The following RBFOX1 variants were observed in gnomAD, a reference collection of about 807,000 sequenced individuals.
The protein encoded by RBFOX1 is RNA binding fox-1 homolog 1.
In RBFOX1, 8 loss-of-function variants were observed where a neutral mutation model predicts 57.7. The observed-to-expected ratio is 0.14, with a 90% CI of 0.08 to 0.25. The LOEUF (loss-of-function observed/expected upper bound fraction) is 0.25. Ranked by LOEUF, RBFOX1 falls within the 10% of genes least tolerant of loss-of-function variation. RBFOX1 has a pLI of 1.00. For missense variants in RBFOX1, 611 were observed against 548.5 expected (o/e 1.11, Z -1.14); for synonymous variants, 326 against 222.4 (o/e 1.47, Z -4.15).
At chr16:5,823,576 G>A (rs939972668) in intron 3 of RBFOX1, among the ~76,000 whole-genome samples, 7 of 152,162 alleles carry the variant, frequency 4.6e-5, no homozygotes, top group Admixed American at 1.3e-4. Context: ...TTGCAGGCAA[G>A]TAAGTGAAGC....
intron 4 of RBFOX1, among the ~76,000 whole-genome samples, chr16:5,886,648 G>C (rs573204335): frequency 8.1e-4 from 123 of 152,334 alleles, no homozygotes; most frequent in African/African-American, 2.9e-3. Flanking sequence ...AGCACTTTGG[G>C]AGGCCAAAGC....
In RBFOX1 at chr16:6,243,144, CTG is replaced by C. The variant is rs370115661; in HGVS notation, c.-126-73829_-126-73828del. On this transcript the variant is annotated intron_variant, in intron 1 of 15. Coordinates refer to ENST00000550418, the MANE Select transcript of RBFOX1 (RefSeq NM_018723.4). ...GATAAATTGATATTTATACGTGTGT[CTG>C]TGTGTGTGTGTGTGTGTGTGTTTAT... is the stretch of plus-strand genomic sequence containing the variant. Among the ~76,000 whole-genome samples the C allele has an allele frequency of 1.2e-3, 180 of 146,914 alleles. 1 individual carries two copies. In the South Asian group the frequency reaches 0.016, roughly 13 times the overall value.
At chr16:5,522,389 G>A (rs1439559731) in intron 2 of RBFOX1, among the ~76,000 whole-genome samples, 4 of 152,302 alleles carry the variant, frequency 2.6e-5, no homozygotes, top group Admixed American at 6.5e-5. Flanking sequence ...TGGAGCATCT[G>A]TTTAGGAAGC....
At chr16:5,430,187 A>C (rs1035727110) in intron 1 of RBFOX1, among the ~76,000 whole-genome samples, 1 of 152,132 alleles carries the variant, frequency 6.6e-6, no homozygotes, top group Non-Finnish European at 1.5e-5. Flanking sequence ...CCAGCCAGGA[A>C]GGTCGATGGC....
intron 4 of RBFOX1, among the ~76,000 whole-genome samples, chr16:7,107,233 C>A (rs1599687707): frequency 6.6e-6 from 1 of 152,060 alleles, no homozygotes; most frequent in East Asian, 1.9e-4. Context: ...GGTATTAAAC[C>A]TGTGGGAGAT....
At chr16:6,193,388 T>C (rs1567650921) in intron 1 of RBFOX1, among the ~76,000 whole-genome samples, 1 of 33,866 alleles carries the variant, frequency 3.0e-5, no homozygotes, top group African/African-American at 8.4e-5. Flanking sequence ...ATTATATATA[T>C]ATACTATATA....
chr16:5,806,930 C>T (rs971254193), intron 3 of RBFOX1, among the ~76,000 whole-genome samples: 9 of 152,150 alleles, frequency 5.9e-5, no homozygotes, highest in Non-Finnish European at 1.3e-4. Context: ...AGCCTTTCCC[C>T]ACTGGAGGAG....
At chr16:5,756,769 A>C (rs1246410129) in intron 3 of RBFOX1, among the ~76,000 whole-genome samples, 2 of 152,210 alleles carry the variant, frequency 1.3e-5, no homozygotes, top group Non-Finnish European at 2.9e-5. Context: ...TGGAGATGTT[A>C]CTTGCCAGGG....
At chr16:5,535,123 C>T (rs924591469) in intron 2 of RBFOX1, among the ~76,000 whole-genome samples, 1 of 152,192 alleles carries the variant, frequency 6.6e-6, no homozygotes, top group African/African-American at 2.4e-5. Context: ...TAAACACATG[C>T]AGCTACTTAG....
intron 1 of RBFOX1, among the ~76,000 whole-genome samples, chr16:5,464,585 T>G (rs559977356): frequency 2.0e-5 from 3 of 151,884 alleles, no homozygotes; most frequent in Non-Finnish European, 4.4e-5. Context: ...TTTATGTGGA[T>G]TTTTTTGCAG....
At chr16:7,238,116 T>A (rs78813504) in intron 4 of RBFOX1, among the ~76,000 whole-genome samples, 2 of 152,198 alleles carry the variant, frequency 1.3e-5, no homozygotes, top group South Asian at 4.1e-4. Flanking sequence ...ATTCCACTTA[T>A]ATGAGGTGCC....
At chr16:5,619,111 A>G (rs1480000455) in intron 3 of RBFOX1, among the ~76,000 whole-genome samples, 2 of 152,240 alleles carry the variant, frequency 1.3e-5, no homozygotes, top group African/African-American at 2.4e-5. Flanking sequence ...TGGAGGAACC[A>G]CATGGGAAAA....
chr16:5,944,988 AGAGAG>A (rs1178581163), intron 4 of RBFOX1, among the ~76,000 whole-genome samples: 9 of 61,340 alleles, frequency 1.5e-4, no homozygotes, highest in Non-Finnish European at 2.0e-4. Flanking sequence ...AAAAAAAAAA[AGAGAG>A]AGAGAGAGAG....
intron 3 of RBFOX1, among the ~76,000 whole-genome samples, chr16:6,743,465 T>A (rs1173689370): frequency 6.6e-6 from 1 of 152,080 alleles, no homozygotes; most frequent in Admixed American, 6.5e-5. Context: ...TTGATAAGGA[T>A]GAATGGTAGT....
At chr16:7,218,079 CTGTG>C (rs146860986) in intron 4 of RBFOX1, among the ~76,000 whole-genome samples, 5 of 149,872 alleles carry the variant, frequency 3.3e-5, no homozygotes, top group African/African-American at 9.8e-5. Context: ...GTGTGTGCGT[CTGTG>C]TGTGTGTGTG....
intron 4 of RBFOX1, among the ~76,000 whole-genome samples, chr16:7,091,508 C>G (rs941204397): frequency 1.3e-5 from 2 of 151,460 alleles, no homozygotes; most frequent in African/African-American, 4.8e-5. Flanking sequence ...TCTCCTTTTA[C>G]CAATGTAGTT....
rs540013995 is a variant in RBFOX1 at position 6,522,990 on chromosome 16, T to A, written c.-63-131613T>A. On this transcript the variant is annotated intron_variant, in intron 2 of 15. Transcript: ENST00000550418. ...AAAGAACCAGCTCCTTCTTATCTTT[T>A]AGGCATCAAAGAACCATTGTCCATC... Among the ~76,000 whole-genome samples, 3 of 152,328 alleles carry A rather than the reference T, an allele frequency of 2.0e-5. No homozygotes were observed. In the East Asian group the frequency reaches 5.8e-4, roughly 29 times the overall value.
At chr16:7,483,795 C>G (rs2064648120) in intron 4 of RBFOX1, among the ~76,000 whole-genome samples, 1 of 152,222 alleles carries the variant, frequency 6.6e-6, no homozygotes, top group Non-Finnish European at 1.5e-5. Flanking sequence ...AATTAAAATA[C>G]TTTTCATCCT....
At chr16:7,338,088 G>T (rs745812819) in intron 4 of RBFOX1, among the ~76,000 whole-genome samples, 1 of 152,126 alleles carries the variant, frequency 6.6e-6, no homozygotes, top group East Asian at 1.9e-4. Flanking sequence ...CATGTGCAGG[G>T]TGTGCAGGTT....
Sources: gnomAD v4.1 joint callset for allele counts (sites outside exome capture counted in the v4.1 genomes callset) on GRCh38, gnomAD v4.1.1 for gene constraint, MANE v1.5 for transcripts, NCBI Gene and HGNC (gene_info 2026-07-23, HGNC 2026-07-21) for gene names.